The following PAK5 variants were observed in gnomAD, a reference collection of about 807,000 sequenced individuals.
The protein encoded by PAK5 is serine/threonine-protein kinase PAK 5.
A neutral mutation model predicts 65.9 loss-of-function variants in PAK5; 16 were observed. The ratio of observed to expected loss-of-function variants is 0.24; its 90% CI spans 0.16 to 0.37. The LOEUF (loss-of-function observed/expected upper bound fraction) is 0.37, where lower values mean the gene tolerates loss of function less well. PAK5 is among the 10% of genes least tolerant of loss of function. The pLI is 1.00. For synonymous variants in PAK5, 371 were observed against 354.9 expected, an observed-to-expected ratio of 1.05 and a Z score of -0.51; for missense variants, 785 against 903.9, an observed-to-expected ratio of 0.87 and a Z score of 1.69.
At chr20:9,815,463 A>C (rs140562078) in intron 1 of PAK5, among the ~76,000 whole-genome samples, 108 of 152,204 alleles carry the variant, frequency 7.1e-4, no homozygotes, top group African/African-American at 2.5e-3. Flanking sequence ...GCAGCTCTAC[A>C]AATCCATACA....
chr20:9,627,453 A>G (rs1458410329), intron 3 of PAK5, among the ~76,000 whole-genome samples: 2 of 152,058 alleles, frequency 1.3e-5, no homozygotes, highest in South Asian at 2.1e-4. Flanking sequence ...GCAAGTAGTC[A>G]TTGCTCTGCC....
intron 1 of PAK5, among the ~76,000 whole-genome samples, chr20:9,771,158 G>T (rs6039571): frequency 6.6e-6 from 1 of 151,980 alleles, no homozygotes; most frequent in Non-Finnish European, 1.5e-5. Context: ...TTTTACAGAC[G>T]AGTAACTAAG....
At chr20:9,577,596 G>A (rs748566245) in intron 4 of PAK5, 28 of 152,196 alleles carry the variant, frequency 1.8e-4, no homozygotes, top group Non-Finnish European at 3.7e-4. Context: ...AATGTGATTG[G>A]TACACTCTAA....
intron 1 of PAK5, among the ~76,000 whole-genome samples, chr20:9,754,729 T>C (rs1177010789): frequency 3.3e-5 from 5 of 152,194 alleles, no homozygotes. Flanking sequence ...CTTTCAAAGT[T>C]AGACTATAAA....
At chr20:9,611,501 C>G (rs894749720) in intron 3 of PAK5, among the ~76,000 whole-genome samples, 4 of 152,190 alleles carry the variant, frequency 2.6e-5, no homozygotes, top group Non-Finnish European at 5.9e-5. Context: ...CCCCAATCAT[C>G]AAAAGCTCTT....
At chr20:9,782,540 C>G (rs2048951771) in intron 1 of PAK5, among the ~76,000 whole-genome samples, 1 of 152,152 alleles carries the variant, frequency 6.6e-6, no homozygotes, top group African/African-American at 2.4e-5. Flanking sequence ...ATGTGGGTGG[C>G]AGGCAGTGTT....
chr20:9,694,320 T>TTG (rs35457999), intron 2 of PAK5, among the ~76,000 whole-genome samples: 56 of 148,822 alleles, frequency 3.8e-4, no homozygotes, highest in African/African-American at 9.3e-4. Context: ...GTGTGTGTGT[T>TTG]TGTGTGTGTG....
intron 1 of PAK5, among the ~76,000 whole-genome samples, chr20:9,753,407 A>G (rs1342832918): frequency 1.3e-5 from 2 of 152,158 alleles, no homozygotes; most frequent in African/African-American, 2.4e-5. Flanking sequence ...GGTTGGGTCT[A>G]TATTAACAGC....
intron 1 of PAK5, among the ~76,000 whole-genome samples, chr20:9,817,820 A>G (rs1466285218): frequency 6.6e-6 from 1 of 152,146 alleles, no homozygotes; most frequent in Non-Finnish European, 1.5e-5. Flanking sequence ...ACACTCTATG[A>G]TTTATGTCAA....
intron 2 of PAK5, among the ~76,000 whole-genome samples, chr20:9,677,142 A>T (rs964095501): frequency 6.6e-5 from 10 of 152,108 alleles, no homozygotes; most frequent in Non-Finnish European, 1.2e-4. Context: ...TGTCTTTTTT[A>T]AAAATTTAAA....
chr20:9,601,280 CA>C (rs1245700375), intron 3 of PAK5, among the ~76,000 whole-genome samples: 1 of 152,082 alleles, frequency 6.6e-6, no homozygotes, highest in African/African-American at 2.4e-5. Context: ...GAGAGGAAAG[CA>C]AGCAGAATTT....
At position 9,719,142 on chromosome 20, in the gene PAK5, T is replaced by C. The variant is rs537240770; in HGVS notation, c.-161-7707A>G. The stretch of plus-strand genomic sequence containing the variant: ...AGCAACATAATAGAAACTCTAAAAA[T>C]TGAATAAGTAACTTTTGGTGCATAG... On this transcript the variant is annotated intron_variant, in intron 1 of 9. Transcript: ENST00000353224. Among the ~76,000 whole-genome samples the C allele has an allele frequency of 1.9e-4, 29 of 152,292 alleles. 1 individual carries two copies. Among genetic ancestry groups the C allele is most frequent in the African/African-American group, 7.0e-4 (29 of 41,552 alleles).
chr20:9,556,600 A>G (rs1176715713), intron 7 of PAK5, among the ~76,000 whole-genome samples: 2 of 152,214 alleles, frequency 1.3e-5, no homozygotes, highest in Admixed American at 6.5e-5. Flanking sequence ...GTATAGAGCT[A>G]TGCTTTGAAA....
intron 3 of PAK5, among the ~76,000 whole-genome samples, chr20:9,598,658 G>A (rs2046311472): frequency 6.6e-6 from 1 of 152,114 alleles, no homozygotes; most frequent in Admixed American, 6.5e-5. Flanking sequence ...CATTCTGACT[G>A]GTGTGAGATG....
chr20:9,692,820 T>A (rs939694360), intron 2 of PAK5, among the ~76,000 whole-genome samples: 4 of 152,126 alleles, frequency 2.6e-5, no homozygotes, highest in African/African-American at 9.7e-5. Flanking sequence ...TTGGCAGCTG[T>A]GTGAGCCTGA....
chr20:9,644,628 T>C (rs930578881), intron 2 of PAK5, among the ~76,000 whole-genome samples: 1 of 152,220 alleles, frequency 6.6e-6, no homozygotes, highest in African/African-American at 2.4e-5. Context: ...AGTTGGCAAG[T>C]TCAGGGCAGA....
In PAK5 at chr20:9,773,895, A is replaced by G. The variant is rs1269082028; in HGVS notation, c.-161-62460T>C. 4.6e-5 allele frequency among the ~76,000 whole-genome samples: 7 copies of G among 152,332 alleles called. No individual in the cohort carries two copies. The East Asian group carries it at 1.2e-3, about 25-fold the overall frequency. ...TTACGATGTGTGCTCAGGCAGTCTG[A>G]GTCCTGAGTTCATGCTTTGCAGTAA... On this transcript the variant is annotated intron_variant, in intron 1 of 9. Coordinates refer to ENST00000353224, the MANE Select transcript of PAK5 (RefSeq NM_177990.4).
At chr20:9,680,593 C>T (rs1306790259) in intron 2 of PAK5, among the ~76,000 whole-genome samples, 1 of 152,174 alleles carries the variant, frequency 6.6e-6, no homozygotes, top group Non-Finnish European at 1.5e-5. Context: ...CTGTACCTGA[C>T]ACATTAACTC....
chr20:9,772,846 T>C (rs1239142817), intron 1 of PAK5, among the ~76,000 whole-genome samples: 1 of 152,212 alleles, frequency 6.6e-6, no homozygotes, highest in African/African-American at 2.4e-5. Context: ...AGGCTGGATG[T>C]GTCAGGGAGT....
Sources: allele counts gnomAD v4.1 joint callset (sites outside exome capture counted in the v4.1 genomes callset), GRCh38; gene constraint gnomAD v4.1.1; transcripts MANE v1.5; gene names NCBI Gene and HGNC (gene_info 2026-07-23, HGNC 2026-07-21).